Variants in FRMD5 observed in about 807,000 individuals in gnomAD.
FRMD5 encodes FERM domain containing 5, also known as FERM domain-containing protein 5.
In FRMD5, 20 loss-of-function variants were observed where a neutral mutation model predicts 69.0. That is an observed-to-expected ratio of 0.29 (90% confidence interval 0.20 to 0.42). The LOEUF is 0.42. Among genes scored for constraint, FRMD5 ranks in the 10% least tolerant of loss-of-function variants. The pLI is 1.00. For missense variants in FRMD5, 595 were observed against 708.6 expected (o/e 0.84, Z 1.82); for synonymous variants, 271 against 260.1 (o/e 1.04, Z -0.40).
chr15:44,151,558 G>T (rs1312771776), intron 1 of FRMD5, among the ~76,000 whole-genome samples: 1 of 151,936 alleles, frequency 6.6e-6, no homozygotes, highest in Non-Finnish European at 1.5e-5. Flanking sequence ...TAACCAAGGA[G>T]GTAAAAGATT....
At chr15:43,980,289 C>T (rs2090528620) in intron 1 of FRMD5, among the ~76,000 whole-genome samples, 1 of 152,276 alleles carries the variant, frequency 6.6e-6, no homozygotes, top group Middle Eastern at 3.4e-3. Flanking sequence ...AGGGGACTGT[C>T]CCACTCCTGC....
At chr15:43,963,901 T>G (rs574960502) in intron 1 of FRMD5, among the ~76,000 whole-genome samples, 1 of 152,118 alleles carries the variant, frequency 6.6e-6, no homozygotes, top group African/African-American at 2.4e-5. Flanking sequence ...CACCAGGGAC[T>G]GTTGTGGGGT....
At chr15:44,084,322 G>T (rs777299075) in intron 1 of FRMD5, among the ~76,000 whole-genome samples, 2 of 151,986 alleles carry the variant, frequency 1.3e-5, no homozygotes, top group Non-Finnish European at 2.9e-5. Flanking sequence ...TCTCATGGTA[G>T]AAAGAGACCG....
chr15:44,035,606 A>G (rs1465193790), intron 1 of FRMD5, among the ~76,000 whole-genome samples: 1 of 152,172 alleles, frequency 6.6e-6, no homozygotes, highest in Non-Finnish European at 1.5e-5. Flanking sequence ...AATGCCTGTT[A>G]TGATGTACTT....
intron 1 of FRMD5, among the ~76,000 whole-genome samples, chr15:44,015,997 G>A (rs541806611): frequency 1.2e-4 from 19 of 152,252 alleles, no homozygotes; most frequent in Non-Finnish European, 2.1e-4. Flanking sequence ...AGAAGTTCCC[G>A]GTTTACAGAT....
chr15:44,073,920 T>C (rs982445050), intron 1 of FRMD5, among the ~76,000 whole-genome samples: 1 of 152,218 alleles, frequency 6.6e-6, no homozygotes, highest in Non-Finnish European at 1.5e-5. Flanking sequence ...TAATACAGTA[T>C]TTGTTAAATG....
At chr15:43,938,251 A>AT (rs1229335831) in intron 1 of FRMD5, among the ~76,000 whole-genome samples, 1 of 151,516 alleles carries the variant, frequency 6.6e-6, no homozygotes, top group East Asian at 1.9e-4. Flanking sequence ...AAAAAAAAAA[A>AT]GCCTACCATG....
intron 1 of FRMD5, among the ~76,000 whole-genome samples, chr15:44,193,105 C>A (rs556515050): frequency 6.6e-6 from 1 of 152,226 alleles, no homozygotes; most frequent in African/African-American, 2.4e-5. Context: ...GTTCCACTAA[C>A]TGGGAAAAAA....
intron 1 of FRMD5, among the ~76,000 whole-genome samples, chr15:43,996,932 T>G (rs778047137): frequency 2.0e-5 from 3 of 152,112 alleles, no homozygotes; most frequent in Non-Finnish European, 2.9e-5. Flanking sequence ...TGGCTATATA[T>G]TAGAATCATG....
In FRMD5 at chr15:43,905,896, G is replaced by C; in HGVS notation, c.483C>G (p.Phe161Leu). The C allele has an allele frequency of 6.2e-7, 1 of 1,614,180 alleles. No individual in the cohort carries two copies. The highest frequency in any genetic ancestry group is 8.5e-7 in the Non-Finnish European group (1 of 1,180,026). The change falls in exon 6 of 14, where the codon TTC (phenylalanine) becomes TTG (leucine). Residue 161 changes from phenylalanine (F) to leucine (L), a missense_variant. Phe to Leu is a conservative substitution (Grantham distance 22). This residue lies in a region of FRMD5 where 51 missense variants were observed against 41.7 expected (regional missense o/e 1.22). Transcript: ENST00000417257. Reference protein sequence around the residue: ...GKHPEGYSSKFQFFPKHSEKL... With the variant: ...GKHPEGYSSKLQFFPKHSEKL... The stretch of plus-strand genomic sequence containing the variant: ...TCTCTGAATGTTTAGGGAAAAACTG[G>C]AACTTGGAGCTGTAGCCTTCAGGGT...
chr15:43,894,573 G>A (rs1209275123), intron 7 of FRMD5, among the ~76,000 whole-genome samples: 1 of 152,050 alleles, frequency 6.6e-6, no homozygotes, highest in East Asian at 1.9e-4. Flanking sequence ...AAAGGCCTAG[G>A]AAGGAGAGGT....
At chr15:43,919,661 G>C in intron 3 of FRMD5, 106 bp downstream of exon 3, 2 of 1,442,126 alleles carry the variant, frequency 1.4e-6, no homozygotes, top group Non-Finnish European at 2.0e-6. Context: ...CTTATACTCA[G>C]AACAGTGGGA....
chr15:44,143,531 T>C (rs2077304771), intron 1 of FRMD5, among the ~76,000 whole-genome samples: 1 of 151,950 alleles, frequency 6.6e-6, no homozygotes, highest in South Asian at 2.1e-4. Context: ...AAGGGTTCCA[T>C]TAATAAGATA....
intron 1 of FRMD5, among the ~76,000 whole-genome samples, chr15:44,063,137 A>C (rs1472422034): frequency 1.3e-5 from 2 of 152,226 alleles, no homozygotes; most frequent in African/African-American, 4.8e-5. Flanking sequence ...TTTTTAAAAA[A>C]GCCAGCTAGG....
chr15:44,079,238 T>C (rs1365355884), intron 1 of FRMD5, among the ~76,000 whole-genome samples: 1 of 152,028 alleles, frequency 6.6e-6, no homozygotes, highest in African/African-American at 2.4e-5. Flanking sequence ...CCTATTTGGA[T>C]GACTATTATC....
At position 44,000,698 on chromosome 15, in the gene FRMD5, G is replaced by A. The variant is rs534510830; in HGVS notation, c.103-76389C>T. ...TGTTCTTGAACTCCTGATCTCAGGTGATCCACCCACCTTGGCCTCCCAAAG... is the reference window on the plus strand; with the variant it reads ...TGTTCTTGAACTCCTGATCTCAGGTAATCCACCCACCTTGGCCTCCCAAAG... On this transcript the variant is annotated intron_variant, in intron 1 of 13. Coordinates refer to ENST00000417257, the MANE Select transcript of FRMD5 (RefSeq NM_032892.5). Among the ~76,000 whole-genome samples the A allele has an allele frequency of 2.8e-4, 42 of 152,278 alleles. No individual in the cohort carries two copies. In the South Asian group the frequency reaches 4.1e-3, roughly 15 times the overall value.
intron 1 of FRMD5, among the ~76,000 whole-genome samples, chr15:43,975,195 A>G (rs774167654): frequency 1.8e-4 from 28 of 152,386 alleles, no homozygotes; most frequent in Non-Finnish European, 3.2e-4. Flanking sequence ...AAGTCATCTA[A>G]GCTAGAATAT....
intron 1 of FRMD5, among the ~76,000 whole-genome samples, chr15:44,099,483 A>G (rs2076605259): frequency 6.6e-6 from 1 of 152,196 alleles, no homozygotes; most frequent in African/African-American, 2.4e-5. Context: ...TATGATTATG[A>G]AAAAGGAGAC....
intron 4 of FRMD5, among the ~76,000 whole-genome samples, chr15:43,911,333 A>G (rs914962676): frequency 3.9e-5 from 6 of 152,324 alleles, no homozygotes; most frequent in African/African-American, 1.4e-4. Context: ...TCATAAAGTC[A>G]TTGCAGCTTC....
Sources: allele counts gnomAD v4.1 joint callset (sites outside exome capture counted in the v4.1 genomes callset), GRCh38; gene constraint gnomAD v4.1.1; regional missense constraint gnomAD v4.1.1; transcripts MANE v1.5; gene names NCBI Gene and HGNC (gene_info 2026-07-23, HGNC 2026-07-21).